GNB4: variants seen among roughly 807,000 people sequenced by gnomAD.
GNB4 encodes the protein G protein subunit beta 4.
In GNB4, 28 loss-of-function variants were observed where a neutral mutation model predicts 45.2. The ratio of observed to expected loss-of-function variants is 0.62; its 90% CI spans 0.46 to 0.85. The LOEUF (loss-of-function observed/expected upper bound fraction) is 0.85. Among genes scored for constraint, GNB4 ranks in the 40% least tolerant of loss-of-function variants. The pLI is 0.00. For synonymous variants in GNB4, 132 were observed against 143.7 expected, an observed-to-expected ratio of 0.92 and a Z score of 0.58; for missense variants, 321 against 425.4, an observed-to-expected ratio of 0.75 and a Z score of 2.16.
intron 8 of GNB4, among the ~76,000 whole-genome samples, chr3:179,411,454 C>A (rs1714648429): frequency 7.0e-6 from 1 of 143,048 alleles, no homozygotes; most frequent in African/African-American, 2.6e-5. Context: ...AAAGATGGTA[C>A]TAATGTTTTG....
chr3:179,435,340 T>C (rs1715415501), intron 1 of GNB4, among the ~76,000 whole-genome samples: 1 of 152,108 alleles, frequency 6.6e-6, no homozygotes, highest in African/African-American at 2.4e-5. Flanking sequence ...GTCCTTCTCC[T>C]CCATTCATTT....
intron 8 of GNB4, among the ~76,000 whole-genome samples, chr3:179,412,592 G>A (rs1714682800): frequency 6.6e-6 from 1 of 152,092 alleles, no homozygotes; most frequent in African/African-American, 2.4e-5. Flanking sequence ...AAAAACTGAA[G>A]AATCTGAGGT....
the GNB4 span, among the ~76,000 whole-genome samples, chr3:179,470,925 A>C: frequency 6.6e-6 from 1 of 152,204 alleles, no homozygotes; most frequent in Non-Finnish European, 1.5e-5. Context: ...TACGCCTGTA[A>C]TCCCAGCACT....
the GNB4 span, among the ~76,000 whole-genome samples, chr3:179,514,018 C>T: frequency 6.6e-6 from 1 of 152,164 alleles, no homozygotes; most frequent in African/African-American, 2.4e-5. Context: ...GAATGAGACA[C>T]TGTGCTGCAG....
chr3:179,468,044 A>ATATATATATATG, the GNB4 span, among the ~76,000 whole-genome samples: 1,014 of 99,074 alleles, frequency 0.01, 174 homozygotes, highest in Non-Finnish European at 0.015. Flanking sequence ...AAATATATAT[A>ATATATATATATG]TATATAGAAC....
chr3:179,512,171 G>A, the GNB4 span, among the ~76,000 whole-genome samples: 3 of 152,078 alleles, frequency 2.0e-5, no homozygotes, highest in South Asian at 2.1e-4. Context: ...AGACCTCCCA[G>A]GCCAGGCACC....
the GNB4 span, among the ~76,000 whole-genome samples, chr3:179,467,344 G>A: frequency 1.3e-5 from 2 of 152,122 alleles, no homozygotes; most frequent in Non-Finnish European, 2.9e-5. Flanking sequence ...AGATGTTTCT[G>A]GATTAGTTAA....
chr3:179,415,028 C>A lies in GNB4; in HGVS notation c.287G>T (p.Arg96Met). 6.2e-7 allele frequency: 1 copy of A among 1,603,992 alleles called. No individual in the cohort carries two copies. Among genetic ancestry groups the A allele is most frequent in the Non-Finnish European group, 8.5e-7 (1 of 1,173,364 alleles). The change falls in exon 6 of 10, where the codon AGG becomes ATG. Residue 96 changes from arginine (R) to methionine (M), a missense_variant. Physicochemically the swap from Arg to Met is moderately conservative, Grantham distance 91. Transcript: ENST00000232564. ...AGCACAGGTCATCACCCAGGAGGAC[C>A]TCAAAGGAATAGCATGCATCTGTAG... ...TTNKMHAIPLRSSWVMTCAYA... is the reference protein window; with the variant it reads ...TTNKMHAIPLMSSWVMTCAYA...
chr3:179,525,968 C>T, the GNB4 span, among the ~76,000 whole-genome samples: 47 of 152,284 alleles, frequency 3.1e-4, no homozygotes, highest in Middle Eastern at 3.4e-3. Flanking sequence ...ATGTCACACG[C>T]GTCTGTGTGA....
At chr3:179,489,042 AT>A in the GNB4 span, among the ~76,000 whole-genome samples, 11 of 83,688 alleles carry the variant, frequency 1.3e-4, 1 homozygote, top group Non-Finnish European at 2.1e-4. Context: ...ATATATATAT[AT>A]ATAATATATA....
chr3:179,426,279 C>G lies in GNB4; in HGVS notation c.-42-37G>C, dbSNP rs1384540809. 2.8e-6 allele frequency: 3 copies of G among 1,057,586 alleles called. No homozygotes were observed. In the South Asian group the frequency reaches 4.4e-5, roughly 16 times the overall value. 65.5% of individuals were successfully genotyped at this position (1,057,586 alleles called of 1,614,324 possible). On this transcript the variant is annotated intron_variant, in intron 1 of 9. Coordinates refer to ENST00000232564, the MANE Select transcript of GNB4 (RefSeq NM_021629.4). Reference sequence around the variant, plus strand: ...CAGAGAGCAAGAGAAAGATTCAGTTCTCTACTTACATCTTAATCTGGTTTT... The same window carrying G: ...CAGAGAGCAAGAGAAAGATTCAGTTGTCTACTTACATCTTAATCTGGTTTT...
intron 1 of GNB4, among the ~76,000 whole-genome samples, chr3:179,450,674 C>T (rs4855074): frequency 0.13 from 20,124 of 152,140 alleles, 1,452 homozygotes; most frequent in East Asian, 0.2. Flanking sequence ...GAAAATTCAA[C>T]GTTCCCTTAG....
chr3:179,404,189 T>C (rs2108578570), intron 9 of GNB4, among the ~76,000 whole-genome samples: 1 of 152,340 alleles, frequency 6.6e-6, no homozygotes, highest in Admixed American at 6.5e-5. Flanking sequence ...ACACATCTCA[T>C]GGCTCAGCAG....
chr3:179,450,683 A>G (rs1715846490), intron 1 of GNB4, among the ~76,000 whole-genome samples: 1 of 152,254 alleles, frequency 6.6e-6, no homozygotes, highest in Admixed American at 6.5e-5. Flanking sequence ...ACGTTCCCTT[A>G]GCGAATAGCA....
At chr3:179,432,076 C>T (rs1715325397) in intron 1 of GNB4, among the ~76,000 whole-genome samples, 1 of 152,126 alleles carries the variant, frequency 6.6e-6, no homozygotes, top group African/African-American at 2.4e-5. Flanking sequence ...TACACATGAC[C>T]CCACTTTCTC....
chr3:179,470,771 C>T, the GNB4 span, among the ~76,000 whole-genome samples: 1 of 151,888 alleles, frequency 6.6e-6, no homozygotes, highest in Non-Finnish European at 1.5e-5. Flanking sequence ...TCTCGATCAC[C>T]GTGCCCGCAA....
At chr3:179,500,442 A>G in the GNB4 span, among the ~76,000 whole-genome samples, 3 of 152,068 alleles carry the variant, frequency 2.0e-5, no homozygotes, top group African/African-American at 7.2e-5. Context: ...ATTGGTCTAT[A>G]TATCTGTTTT....
chr3:179,437,562 CA>C (rs113757674), intron 1 of GNB4, among the ~76,000 whole-genome samples: 2 of 145,102 alleles, frequency 1.4e-5, no homozygotes, highest in East Asian at 2.0e-4. Context: ...AAGTCTATCT[CA>C]AAAAAAAAAC....
At chr3:179,478,755 T>C in the GNB4 span, among the ~76,000 whole-genome samples, 2 of 152,156 alleles carry the variant, frequency 1.3e-5, no homozygotes, top group African/African-American at 4.8e-5. Flanking sequence ...TGTCAAATTG[T>C]AATCCCCAAT....
Sources: gnomAD v4.1 joint callset for allele counts (sites outside exome capture counted in the v4.1 genomes callset) on GRCh38, gnomAD v4.1.1 for gene constraint, MANE v1.5 for transcripts, NCBI Gene and HGNC (gene_info 2026-07-23, HGNC 2026-07-21) for gene names.